ABTB2: variants seen among roughly 807,000 people sequenced by gnomAD.
The protein encoded by ABTB2 is ankyrin repeat and BTB domain containing 2.
Under a neutral mutation model 104.1 loss-of-function variants are expected in ABTB2, and 56 were observed. The observed-to-expected ratio is 0.54, with a 90% CI of 0.43 to 0.67. The LOEUF (loss-of-function observed/expected upper bound fraction) is 0.67. Among genes scored for constraint, ABTB2 ranks in the 30% least tolerant of loss-of-function variants. The pLI, the probability that ABTB2 is intolerant of heterozygous loss-of-function variation, is 0.00. For synonymous variants in ABTB2, 606 were observed against 608.2 expected, an observed-to-expected ratio of 1.00 and a Z score of 0.05; for missense variants, 1,279 against 1,407.7, an observed-to-expected ratio of 0.91 and a Z score of 1.46.
intron 1 of ABTB2, among the ~76,000 whole-genome samples, chr11:34,217,236 G>A (rs1382567516): frequency 2.0e-5 from 3 of 152,152 alleles, no homozygotes; most frequent in Non-Finnish European, 2.9e-5. Flanking sequence ...TTTCCTAGGC[G>A]AAGCCAACAA....
At chr11:34,190,250 C>A (rs764443474) in intron 3 of ABTB2, among the ~76,000 whole-genome samples, 7 of 143,834 alleles carry the variant, frequency 4.9e-5, no homozygotes, top group Non-Finnish European at 1.0e-4. Context: ...GCCCCTGCCC[C>A]ACCCCTGCCC....
intron 1 of ABTB2, among the ~76,000 whole-genome samples, chr11:34,266,775 C>T (rs1402664191): frequency 4.6e-5 from 7 of 152,080 alleles, no homozygotes; most frequent in Non-Finnish European, 8.8e-5. Context: ...TCCCCCTCCC[C>T]CACCCCCTGT....
intron 1 of ABTB2, among the ~76,000 whole-genome samples, chr11:34,341,871 C>T (rs369102398): frequency 1.3e-5 from 2 of 152,166 alleles, no homozygotes; most frequent in East Asian, 1.9e-4. Context: ...GAGAAATGGC[C>T]ATTTCCAAAA....
chr11:34,226,799 C>A (rs1163958257), intron 1 of ABTB2, among the ~76,000 whole-genome samples: 1 of 152,172 alleles, frequency 6.6e-6, no homozygotes, highest in Non-Finnish European at 1.5e-5. Context: ...GGTATGGTAG[C>A]TCACACCTGT....
chr11:34,173,685 T>C (rs761467436), intron 3 of ABTB2, among the ~76,000 whole-genome samples: 6 of 152,054 alleles, frequency 3.9e-5, no homozygotes, highest in East Asian at 1.9e-4. Context: ...GTGTGTGGAA[T>C]TGGGGACCTT....
chr11:34,223,027 G>A (rs112414739), intron 1 of ABTB2, among the ~76,000 whole-genome samples: 1 of 151,994 alleles, frequency 6.6e-6, no homozygotes, highest in African/African-American at 2.4e-5. Flanking sequence ...TGAAACTTTG[G>A]GCTTTGACCC....
intron 14 of ABTB2, among the ~76,000 whole-genome samples, chr11:34,157,400 C>G (rs1307234285): frequency 1.3e-5 from 2 of 152,216 alleles, no homozygotes; most frequent in African/African-American, 4.8e-5. Flanking sequence ...GCTGCTGAGC[C>G]TGTTCTATGA....
chr11:34,160,022 G>A lies in ABTB2; in HGVS notation c.2504-14C>T. 1.3e-6 allele frequency: 2 copies of A among 1,598,308 alleles called. No individual in the cohort carries two copies. The highest frequency in any genetic ancestry group is 1.7e-6 in the Non-Finnish European group (2 of 1,166,332). On this transcript the variant is annotated splice_polypyrimidine_tract_variant and intron_variant, in intron 12 of 16. Coordinates refer to ENST00000435224, the MANE Select transcript of ABTB2 (RefSeq NM_145804.3). ...AAAAGTGTGGATCTGTGAAAAGCGGGGAGACAGAGGGATATGGCTGAGGAG... is the reference window on the plus strand; with the variant it reads ...AAAAGTGTGGATCTGTGAAAAGCGGAGAGACAGAGGGATATGGCTGAGGAG...
rs1362386466 is a variant in ABTB2, at chr11:34,154,522, C to A, written c.2767-144G>T. 2.3e-6 allele frequency: 2 copies of A among 856,226 alleles called. No individual in the cohort carries two copies. The highest frequency in any genetic ancestry group is 1.7e-5 in the African/African-American group (1 of 59,742). 53.0% of individuals were successfully genotyped at this position (856,226 alleles called of 1,614,324 possible). Reference sequence around the variant, plus strand: ...ACCTTCTGATACTCCTGGGCCTAACCATCCCCGCTGGGACACGCACTGAGG... The same window carrying A: ...ACCTTCTGATACTCCTGGGCCTAACAATCCCCGCTGGGACACGCACTGAGG... On this transcript the variant is annotated intron_variant, in intron 15 of 16. Coordinates refer to ENST00000435224, the MANE Select transcript of ABTB2 (RefSeq NM_145804.3). The surrounding 1 kb of genome is among the most constrained non-coding windows in gnomAD (Gnocchi z 4.9).
Position 34,167,347 on chromosome 11 carries a change from G to A in ABTB2, c.1667C>T (p.Ser556Phe). The change falls in exon 7 of 17, where the codon TCC (serine) becomes TTC (phenylalanine). Residue 556 changes from serine to phenylalanine, a missense_variant. By Grantham distance (155) the Ser-to-Phe change is radical. Transcript: ENST00000435224. ...ANLDIQVPSN[S>F]PRHPSIHPDS... ...GGGGTGGATGGAAGGGTGCCTGGGG[G>A]AGTTGCTTGGAACCTGGAAAATACC... 3 of 1,613,100 alleles carry A rather than the reference G, an allele frequency of 1.9e-6. No individual in the cohort carries two copies. Among genetic ancestry groups the A allele is most frequent in the Non-Finnish European group, 2.5e-6 (3 of 1,179,564 alleles).
rs540869907 is a variant in ABTB2, at chr11:34,235,815, C to T, written c.884-31125G>A. Among the ~76,000 whole-genome samples, 4 of 152,274 alleles carry T rather than the reference C, an allele frequency of 2.6e-5. No individual in the cohort carries two copies. The East Asian group carries it at 5.8e-4, about 22-fold the overall frequency. On this transcript the variant is annotated intron_variant, in intron 1 of 16. Coordinates refer to ENST00000435224, the MANE Select transcript of ABTB2 (RefSeq NM_145804.3). Reference sequence around the variant, plus strand: ...GCATTAATTAGCTGCAGGAGGTCAGCGCTAGCTAAGTGAACACTCTTTGTG... The same window carrying T: ...GCATTAATTAGCTGCAGGAGGTCAGTGCTAGCTAAGTGAACACTCTTTGTG...
intron 1 of ABTB2, among the ~76,000 whole-genome samples, chr11:34,208,007 A>G (rs1853430399): frequency 6.6e-6 from 1 of 152,226 alleles, no homozygotes; most frequent in African/African-American, 2.4e-5. Flanking sequence ...ACTCCCTCTG[A>G]TCTTTGCAGA....
rs1852645853 is a variant in ABTB2 at position 34,157,497 on chromosome 11, A to T, written c.2697+1799T>A. 3.9e-5 allele frequency among the ~76,000 whole-genome samples: 6 copies of T among 152,306 alleles called. No individual in the cohort carries two copies. In the South Asian group the frequency reaches 1.2e-3, roughly 32 times the overall value. On this transcript the variant is annotated intron_variant, in intron 14 of 16. Transcript: ENST00000435224. Reference sequence around the variant, plus strand: ...ACAGGCAGTGGTCACCCATGGCCACAAGTGCGCTCCCCAGTCTCCAGCGAT... The same window carrying T: ...ACAGGCAGTGGTCACCCATGGCCACTAGTGCGCTCCCCAGTCTCCAGCGAT...
At chr11:34,228,625 G>T (rs1590223137) in intron 1 of ABTB2, among the ~76,000 whole-genome samples, 1 of 152,126 alleles carries the variant, frequency 6.6e-6, no homozygotes. Context: ...GTGATCGCCT[G>T]CCTCAGCCTC....
intron 4 of ABTB2, among the ~76,000 whole-genome samples, chr11:34,172,418 A>ATATGTGTG (rs55819950): frequency 2.0e-4 from 17 of 84,214 alleles, no homozygotes; most frequent in South Asian, 1.1e-3. Context: ...ATATATATAT[A>ATATGTGTG]TGTGTGTGTG....
intron 1 of ABTB2, among the ~76,000 whole-genome samples, chr11:34,285,822 G>A (rs1043576996): frequency 8.5e-5 from 13 of 152,206 alleles, no homozygotes; most frequent in African/African-American, 2.4e-4. Flanking sequence ...CTTTTACTCC[G>A]TTGTTTCTTC....
chr11:34,290,969 T>C (rs2133092722), intron 1 of ABTB2, among the ~76,000 whole-genome samples: 1 of 152,356 alleles, frequency 6.6e-6, no homozygotes, highest in African/African-American at 2.4e-5. Context: ...TAACATTCAT[T>C]TAAGACCAAC....
intron 1 of ABTB2, among the ~76,000 whole-genome samples, chr11:34,247,035 C>T (rs893047021): frequency 5.9e-5 from 9 of 151,924 alleles, no homozygotes; most frequent in East Asian, 1.9e-4. Flanking sequence ...TTAGTAGAGA[C>T]GGGGTTTCTC....
At chr11:34,334,635 C>T (rs1855171008) in intron 1 of ABTB2, among the ~76,000 whole-genome samples, 1 of 152,176 alleles carries the variant, frequency 6.6e-6, no homozygotes, top group African/African-American at 2.4e-5. Context: ...ATGACCCTCC[C>T]TCCCCTAATC....
Sources: allele counts gnomAD v4.1 joint callset (sites outside exome capture counted in the v4.1 genomes callset), GRCh38; gene constraint gnomAD v4.1.1; non-coding constraint Gnocchi (gnomAD v3.1); transcripts MANE v1.5; gene names NCBI Gene and HGNC (gene_info 2026-07-23, HGNC 2026-07-21).